The following ATP10B variants were observed in gnomAD, a reference collection of about 807,000 sequenced individuals.
ATP10B encodes phospholipid-transporting ATPase VB.
A neutral mutation model predicts 141.2 loss-of-function variants in ATP10B; 122 were observed. That is an observed-to-expected ratio of 0.86 (90% CI 0.75 to 1.00). The LOEUF is 1.00. Ranked by LOEUF, ATP10B falls within the 50% of genes least tolerant of loss-of-function variation. The pLI is 0.00. For missense variants in ATP10B, 1,876 were observed against 1,825.3 expected (o/e 1.03, Z -0.51); for synonymous variants, 685 against 692.0 (o/e 0.99, Z 0.16).
intron 2 of ATP10B, among the ~76,000 whole-genome samples, chr5:160,748,719 T>C (rs958518641): frequency 6.6e-6 from 1 of 152,196 alleles, no homozygotes; most frequent in Non-Finnish European, 1.5e-5. Flanking sequence ...GTGATGTTAA[T>C]TGGTTTCATA....
chr5:160,839,761 G>A (rs529578243), intron 1 of ATP10B, among the ~76,000 whole-genome samples: 1 of 151,992 alleles, frequency 6.6e-6, no homozygotes, highest in East Asian at 1.9e-4. Flanking sequence ...TTTTTAAAAA[G>A]GCTAAAGATA....
chr5:160,896,214 G>C, the ATP10B span, among the ~76,000 whole-genome samples: 1 of 138,706 alleles, frequency 7.2e-6, no homozygotes, highest in African/African-American at 2.6e-5. Flanking sequence ...AACTGAAGGA[G>C]ATAGAAACAC....
intron 2 of ATP10B, among the ~76,000 whole-genome samples, chr5:160,759,867 T>A (rs1423376558): frequency 1.3e-5 from 2 of 152,218 alleles, no homozygotes; most frequent in African/African-American, 4.8e-5. Context: ...TTCAATATAG[T>A]AACTCATCCT....
chr5:160,819,638 C>G (rs970759056), intron 1 of ATP10B, among the ~76,000 whole-genome samples: 1 of 151,966 alleles, frequency 6.6e-6, no homozygotes, highest in African/African-American at 2.4e-5. Context: ...AAGACATGGA[C>G]AGTAGAAGAT....
In ATP10B at chr5:160,670,467, T is replaced by C. The variant is rs765252708; in HGVS notation, c.671A>G (p.Gln224Arg). 1.2e-6 allele frequency: 2 copies of C among 1,613,976 alleles called. No individual in the cohort carries two copies. The highest frequency in any genetic ancestry group is 1.7e-6 in the Non-Finnish European group (2 of 1,179,954). Reference sequence around the variant, plus strand: ...AGATATTAGAAAGAGCCCTACCTGCTGTGAGAAGCCCTTCACGACACATCT... The same window carrying C: ...AGATATTAGAAAGAGCCCTACCTGCCGTGAGAAGCCCTTCACGACACATCT... ...KQRCVVKGFS[Q>R]QEVQFEPELF... is the part of the protein sequence containing the mutation. The change falls in exon 7 of 26, where the codon CAG becomes CGG. Residue 224 changes from glutamine (Q) to arginine (R), a missense_variant. Coordinates refer to ENST00000327245, the MANE Select transcript of ATP10B (RefSeq NM_025153.3).
rs763114091 is a variant in ATP10B, at chr5:160,620,698, C to G, written c.2065G>C (p.Asp689His). The change falls in exon 15 of 26, where the codon GAC becomes CAC. Residue 689 changes from aspartate (D) to histidine (H), a missense_variant. By Grantham distance (81) the Asp-to-His change is moderately conservative. Transcript: ENST00000327245. ...GTGCCTGACCCAGACTCCAGGATGTCGCCCTGGTCCCACATGCTGCTCCTG... is the reference window on the plus strand; with the variant it reads ...GTGCCTGACCCAGACTCCAGGATGTGGCCCTGGTCCCACATGCTGCTCCTG... ...GYRSSMWDQG[D>H]ILESGSGTSL... is the part of the protein sequence containing the mutation. 4 of 1,614,130 alleles carry G rather than the reference C, an allele frequency of 2.5e-6. No homozygotes were observed. The highest frequency in any genetic ancestry group is 3.4e-6 in the Non-Finnish European group (4 of 1,179,972).
At chr5:160,595,260 T>C (rs1229786512) in intron 22 of ATP10B, among the ~76,000 whole-genome samples, 5 of 152,088 alleles carry the variant, frequency 3.3e-5, no homozygotes, top group African/African-American at 1.2e-4. Flanking sequence ...CTCAACTACA[T>C]GGAAACTGAA....
In ATP10B at chr5:160,849,668, C is replaced by T. The variant is rs912470162; in HGVS notation, c.-576+2273G>A. On this transcript the variant is annotated intron_variant, in intron 1 of 25. Transcript: ENST00000327245. ...TCTTTTAATGTGAGCATTTGACAGG[C>T]GCAGTAACTTGCCAAGGTTACACAA... is the stretch of plus-strand genomic sequence containing the variant. Among the ~76,000 whole-genome samples the T allele has an allele frequency of 3.0e-4, 42 of 139,300 alleles. 1 individual carries two copies. The highest frequency in any genetic ancestry group is 8.4e-4 in the African/African-American group (33 of 39,470). The allele number at this position is 139,300 out of a possible 152,430, so 91.4% of individuals were successfully genotyped here.
intron 2 of ATP10B, among the ~76,000 whole-genome samples, chr5:160,728,489 C>CTGA (rs1185125931): frequency 1.3e-5 from 2 of 152,208 alleles, no homozygotes; most frequent in African/African-American, 4.8e-5. Flanking sequence ...TTGTCTCACA[C>CTGA]TGATGCCAGG....
chr5:160,691,033 A>G (rs10060768), intron 3 of ATP10B, among the ~76,000 whole-genome samples: 37,390 of 152,142 alleles, frequency 0.25, 5,641 homozygotes, highest in East Asian at 0.69. Context: ...GCCATAAAAA[A>G]GGATGAGTTC....
intron 1 of ATP10B, among the ~76,000 whole-genome samples, chr5:160,808,834 T>C (rs1303375849): frequency 6.6e-6 from 1 of 152,202 alleles, no homozygotes; most frequent in Non-Finnish European, 1.5e-5. Flanking sequence ...TTAAAGAGAA[T>C]ACATCTATTG....
chr5:160,695,631 T>C (rs112944837), intron 3 of ATP10B, among the ~76,000 whole-genome samples: 7 of 152,124 alleles, frequency 4.6e-5, no homozygotes, highest in African/African-American at 1.2e-4. Flanking sequence ...AAGACCCAAG[T>C]AGGCTAAAAA....
At chr5:160,925,414 G>A in the ATP10B span, among the ~76,000 whole-genome samples, 3 of 152,198 alleles carry the variant, frequency 2.0e-5, no homozygotes, top group Non-Finnish European at 4.4e-5. Context: ...TATCACCCCC[G>A]TTTGTAGACG....
At chr5:160,777,936 A>G (rs1770453082) in intron 2 of ATP10B, among the ~76,000 whole-genome samples, 1 of 151,820 alleles carries the variant, frequency 6.6e-6, no homozygotes, top group Admixed American at 6.6e-5. Context: ...AACAGGTGAA[A>G]AAAACCACCT....
chr5:160,672,435 G>A (rs1410778021), intron 6 of ATP10B, among the ~76,000 whole-genome samples: 1 of 152,096 alleles, frequency 6.6e-6, no homozygotes, highest in Non-Finnish European at 1.5e-5. Flanking sequence ...AAGACTTTGG[G>A]GTGTGCCAAG....
In ATP10B at chr5:160,564,311, C is replaced by G. The variant is rs1353553681; in HGVS notation, c.*1142G>C. 1 of 152,176 alleles carries G rather than the reference C, an allele frequency of 6.6e-6. No individual in the cohort carries two copies. Among genetic ancestry groups the G allele is most frequent in the Non-Finnish European group, 1.5e-5 (1 of 68,036 alleles). 9.4% of individuals were successfully genotyped at this position (152,176 alleles called of 1,614,324 possible). ...AATTCTACTGTTCATTCCTTTAACA[C>G]TGTTTTGAGCTTTTTTTATATAGTT... On this transcript the variant is annotated 3_prime_UTR_variant, in exon 26 of 26. Transcript: ENST00000327245.
At chr5:160,850,162 A>G (rs548915347) in intron 1 of ATP10B, among the ~76,000 whole-genome samples, 46 of 152,210 alleles carry the variant, frequency 3.0e-4, no homozygotes, top group African/African-American at 1.1e-3. Flanking sequence ...TAATCCCAGC[A>G]CTTTGGGAGG....
chr5:160,909,001 A>G, the ATP10B span, among the ~76,000 whole-genome samples: 1 of 152,148 alleles, frequency 6.6e-6, no homozygotes, highest in African/African-American at 2.4e-5. Flanking sequence ...TCAAATATCT[A>G]CTATGTGCCA....
At chr5:160,574,047 G>C (rs931568603) in intron 24 of ATP10B, among the ~76,000 whole-genome samples, 9 of 152,150 alleles carry the variant, frequency 5.9e-5, no homozygotes, top group African/African-American at 1.9e-4. Flanking sequence ...CAGAGTTTAT[G>C]ATCTACTAAC....
Sources: gnomAD v4.1 joint callset for allele counts (sites outside exome capture counted in the v4.1 genomes callset) on GRCh38, gnomAD v4.1.1 for gene constraint, MANE v1.5 for transcripts, NCBI Gene and HGNC (gene_info 2026-07-23, HGNC 2026-07-21) for gene names.